The following DAB1 variants were observed in gnomAD, a reference collection of about 807,000 sequenced individuals.
The protein encoded by DAB1 is DAB adaptor protein 1.
In DAB1, 15 loss-of-function variants were observed where a neutral mutation model predicts 64.6. That is an observed-to-expected ratio of 0.23 (90% CI 0.16 to 0.36). The LOEUF is 0.36. Among genes scored for constraint, DAB1 ranks in the 10% least tolerant of loss-of-function variants. DAB1 has a pLI of 1.00. For missense variants in DAB1, 596 were observed against 706.7 expected, an observed-to-expected ratio of 0.84 and a Z score of 1.78; for synonymous variants, 235 against 251.9, an observed-to-expected ratio of 0.93 and a Z score of 0.64.
At chr1:58,157,834 C>T (rs1570428283) in intron 4 of DAB1, among the ~76,000 whole-genome samples, 1 of 152,140 alleles carries the variant, frequency 6.6e-6, no homozygotes, top group African/African-American at 2.4e-5. Flanking sequence ...TAATGAACAA[C>T]TCTACAAACA....
chr1:57,224,909 TC>T (rs564365804), intron 2 of DAB1, among the ~76,000 whole-genome samples: 162 of 152,248 alleles, frequency 1.1e-3, no homozygotes, highest in Non-Finnish European at 1.8e-3. Context: ...AATCATGTGG[TC>T]AAAAGATTTA....
intron 1 of DAB1, among the ~76,000 whole-genome samples, chr1:58,537,417 G>A (rs537291343): frequency 7.9e-5 from 12 of 152,262 alleles, no homozygotes; most frequent in Middle Eastern, 3.4e-3. Flanking sequence ...CTCAGTAGCA[G>A]AAACTCCACT....
Position 57,474,147 on chromosome 1 carries a change from G to A in DAB1, n.625+175445C>T, listed in dbSNP as rs1480616440. Among the ~76,000 whole-genome samples, 3 of 152,178 alleles carry A rather than the reference G, an allele frequency of 2.0e-5. No homozygotes were observed. The South Asian group carries it at 6.2e-4, about 32-fold the overall frequency. On this transcript the variant is annotated intron_variant and non_coding_transcript_variant, in intron 7 of 20. Coordinates refer to the DAB1 transcript ENST00000485760. ...AAAATACTGGAGTAATTATAATACC[G>A]AATATATGATCTGAAGAATTCAAAT... is the stretch of plus-strand genomic sequence containing the variant.
chr1:57,680,298 C>T (rs3126036), intron 6 of DAB1, among the ~76,000 whole-genome samples: 112,423 of 152,158 alleles, frequency 0.74, 42,395 homozygotes, highest in East Asian at 0.93. Flanking sequence ...TAGTTTTCTA[C>T]TGCTGTTATA....
At chr1:58,021,884 G>A (rs1437122671) in intron 5 of DAB1, among the ~76,000 whole-genome samples, 1 of 152,208 alleles carries the variant, frequency 6.6e-6, no homozygotes, top group Non-Finnish European at 1.5e-5. Flanking sequence ...TGTGATGAGA[G>A]GCTGCCATTG....
chr1:57,306,049 C>T (rs572700006), intron 1 of DAB1, among the ~76,000 whole-genome samples: 2 of 152,002 alleles, frequency 1.3e-5, no homozygotes, highest in East Asian at 1.9e-4. Flanking sequence ...CTGTGCTAAG[C>T]AGTGTATACA....
chr1:57,891,729 C>A (rs1305461838), intron 5 of DAB1, among the ~76,000 whole-genome samples: 1 of 152,108 alleles, frequency 6.6e-6, no homozygotes, highest in Non-Finnish European at 1.5e-5. Context: ...GGCTATCATG[C>A]TCAACAAACA....
chr1:58,282,820 G>A lies in DAB1; in HGVS notation n.309+60532C>T, dbSNP rs1032495944. On this transcript the variant is annotated intron_variant and non_coding_transcript_variant, in intron 4 of 20. Transcript: ENST00000485760. ...GTGCCAAAAGAGTTTGGGAGAAGAG[G>A]GAGCGACTGCTCCCAGCTCTGTCGG... Among the ~76,000 whole-genome samples the A allele has an allele frequency of 2.0e-5, 3 of 152,218 alleles. No individual in the cohort carries two copies. In the South Asian group the frequency reaches 6.2e-4, roughly 31 times the overall value.
chr1:58,068,782 C>CA (rs35725704), intron 5 of DAB1, among the ~76,000 whole-genome samples: 1,902 of 132,780 alleles, frequency 0.014, 22 homozygotes, highest in African/African-American at 0.028. Context: ...AAAAAAAAAC[C>CA]AAAAAAAAAA....
intron 5 of DAB1, among the ~76,000 whole-genome samples, chr1:58,023,077 C>T (rs1374817082): frequency 6.6e-6 from 1 of 152,170 alleles, no homozygotes; most frequent in African/African-American, 2.4e-5. Context: ...ATCCTTTCCC[C>T]AAGTGCCCTT....
At chr1:58,406,756 C>T (rs1352040610) in intron 3 of DAB1, among the ~76,000 whole-genome samples, 1 of 151,898 alleles carries the variant, frequency 6.6e-6, no homozygotes, top group African/African-American at 2.4e-5. Context: ...GCCTCCCACC[C>T]TGATAAAGCT....
chr1:57,097,278 T>C (rs1475625974), intron 4 of DAB1, among the ~76,000 whole-genome samples: 1 of 152,196 alleles, frequency 6.6e-6, no homozygotes, highest in Non-Finnish European at 1.5e-5. Flanking sequence ...CCATAAAATA[T>C]CAATGACCAA....
intron 6 of DAB1, among the ~76,000 whole-genome samples, chr1:57,766,688 T>C (rs1005215176): frequency 6.9e-6 from 1 of 144,564 alleles, no homozygotes; most frequent in African/African-American, 2.5e-5. Context: ...TGTCCTACAA[T>C]TTAGTTTGAC....
chr1:57,086,644 A>AAC (rs368060919), intron 4 of DAB1, among the ~76,000 whole-genome samples: 20,278 of 118,416 alleles, frequency 0.17, 1,884 homozygotes, highest in East Asian at 0.39. Flanking sequence ...TTCTGTCTTA[A>AAC]ACACACACAC....
At chr1:57,699,306 T>C (rs1003301876) in intron 6 of DAB1, among the ~76,000 whole-genome samples, 16 of 152,180 alleles carry the variant, frequency 1.1e-4, no homozygotes, top group Non-Finnish European at 2.2e-4. Context: ...GAAATAAGGG[T>C]TATTCTTCTT....
At chr1:58,048,418 A>C (rs17131774) in intron 5 of DAB1, 5 of 950,256 alleles carry the variant, frequency 5.3e-6, no homozygotes, top group African/African-American at 1.6e-5. Context: ...CTCCACCTCT[A>C]TTGTTATAGC....
chr1:57,380,469 T>TATTGAAGG (rs1306422884), intron 1 of DAB1, among the ~76,000 whole-genome samples: 14 of 152,214 alleles, frequency 9.2e-5, no homozygotes, highest in African/African-American at 3.4e-4. Context: ...TACCTTTAGC[T>TATTGAAGG]ATTGAAGGGT....
intron 7 of DAB1, among the ~76,000 whole-genome samples, chr1:57,515,326 G>A (rs143720755): frequency 1.3e-5 from 2 of 152,302 alleles, no homozygotes; most frequent in African/African-American, 4.8e-5. Flanking sequence ...GGAATAATTT[G>A]ATTTATTTAG....
chr1:57,507,927 G>A lies in DAB1; in HGVS notation n.625+141665C>T, dbSNP rs369988489. 2.5e-4 allele frequency among the ~76,000 whole-genome samples: 38 copies of A among 152,256 alleles called. 1 individual carries two copies. Among genetic ancestry groups the A allele is most frequent in the African/African-American group, 8.7e-4 (36 of 41,544 alleles). On this transcript the variant is annotated intron_variant and non_coding_transcript_variant, in intron 7 of 20. Coordinates refer to the DAB1 transcript ENST00000485760. Reference sequence around the variant, plus strand: ...TACCACAATGATTCAAAAATACAGTGAGCGTTAGAATCATCTGAAGAACTT... The same window carrying A: ...TACCACAATGATTCAAAAATACAGTAAGCGTTAGAATCATCTGAAGAACTT...
Sources: gnomAD v4.1 joint callset for allele counts (sites outside exome capture counted in the v4.1 genomes callset) on GRCh38, gnomAD v4.1.1 for gene constraint, MANE v1.5 for transcripts, NCBI Gene and HGNC (gene_info 2026-07-23, HGNC 2026-07-21) for gene names.